Variants in ITGA9 observed in about 807,000 individuals in gnomAD.
ITGA9 encodes integrin alpha-9.
A neutral mutation model predicts 127.8 loss-of-function variants in ITGA9; 56 were observed. That is an observed-to-expected ratio of 0.44 (90% CI 0.35 to 0.55). The LOEUF is 0.55. ITGA9 is among the 20% of genes least tolerant of loss of function. The pLI is 0.00. For synonymous variants in ITGA9, 508 were observed against 514.5 expected (o/e 0.99, Z 0.17); for missense variants, 1,196 against 1,347.1 (o/e 0.89, Z 1.76).
chr3:37,498,429 G>A (rs1234955351), intron 5 of ITGA9, among the ~76,000 whole-genome samples: 1 of 152,140 alleles, frequency 6.6e-6, no homozygotes, highest in African/African-American at 2.4e-5. Context: ...TATGTTTGCC[G>A]CAGCAGCTGG....
intron 18 of ITGA9, among the ~76,000 whole-genome samples, chr3:37,725,290 C>T (rs1696170088): frequency 6.6e-6 from 1 of 152,090 alleles, no homozygotes. Flanking sequence ...CATGAGTAAC[C>T]CTCAGCCAAG....
At chr3:37,700,359 CA>C (rs1700932853) in intron 18 of ITGA9, among the ~76,000 whole-genome samples, 1 of 151,654 alleles carries the variant, frequency 6.6e-6, no homozygotes, top group Non-Finnish European at 1.5e-5. Flanking sequence ...ATATAATATG[CA>C]ATGACTTTTT....
chr3:37,809,851 C>T (rs989050943), intron 27 of ITGA9, among the ~76,000 whole-genome samples: 3 of 152,200 alleles, frequency 2.0e-5, no homozygotes, highest in South Asian at 2.1e-4. Flanking sequence ...ACTGACAGTA[C>T]GGTGCAGTAA....
chr3:37,644,411 G>A (rs187288347), intron 16 of ITGA9, among the ~76,000 whole-genome samples: 1 of 152,310 alleles, frequency 6.6e-6, no homozygotes, highest in Non-Finnish European at 1.5e-5. Flanking sequence ...AGCAGATTGT[G>A]GGATGATGGA....
intron 16 of ITGA9, among the ~76,000 whole-genome samples, chr3:37,641,703 G>A (rs1700335550): frequency 6.6e-6 from 1 of 152,076 alleles, no homozygotes; most frequent in South Asian, 2.1e-4. Context: ...TAAGGCCCAC[G>A]AGAGCCTGTA....
chr3:37,755,983 GA>G (rs572124640), intron 23 of ITGA9, among the ~76,000 whole-genome samples: 4 of 151,098 alleles, frequency 2.6e-5, no homozygotes, highest in African/African-American at 9.7e-5. Flanking sequence ...AATTTATGAA[GA>G]AAAAAATAAA....
Position 37,452,584 on chromosome 3 carries a change from C to A in ITGA9, c.185+25C>A. The A allele has an allele frequency of 6.7e-7, 1 of 1,489,360 alleles. No individual in the cohort carries two copies. Among genetic ancestry groups the A allele is most frequent in the Non-Finnish European group, 8.9e-7 (1 of 1,117,540 alleles). The allele number at this position is 1,489,360 out of a possible 1,614,324, so 92.3% of individuals were successfully genotyped here. ...GGTGAGTGCCCGCCCGACTCCGCGACCCTGGCCCGCGCGGCCACCGCCCCG... is the reference window on the plus strand; with the variant it reads ...GGTGAGTGCCCGCCCGACTCCGCGAACCTGGCCCGCGCGGCCACCGCCCCG... On this transcript the variant is annotated intron_variant, in intron 1 of 27. Transcript: ENST00000264741. The surrounding 1 kb of genome is among the most constrained non-coding windows in gnomAD (Gnocchi z 7.3).
chr3:37,509,808 T>C (rs989306058), intron 8 of ITGA9, among the ~76,000 whole-genome samples: 2 of 152,154 alleles, frequency 1.3e-5, no homozygotes, highest in African/African-American at 4.8e-5. Context: ...AAAAGGGTTT[T>C]CCAAGCACCC....
intron 18 of ITGA9, among the ~76,000 whole-genome samples, chr3:37,717,014 A>C (rs946322648): frequency 6.6e-6 from 1 of 152,232 alleles, no homozygotes; most frequent in Non-Finnish European, 1.5e-5. Flanking sequence ...TGATGTGTGC[A>C]TGATCAGAAC....
At chr3:37,560,541 T>C (rs538876875) in intron 15 of ITGA9, among the ~76,000 whole-genome samples, 4 of 152,324 alleles carry the variant, frequency 2.6e-5, no homozygotes, top group East Asian at 3.9e-4. Flanking sequence ...TCTTCCACAA[T>C]GGTTGAACGA....
At chr3:37,717,943 A>G (rs1575206753) in intron 18 of ITGA9, among the ~76,000 whole-genome samples, 2 of 152,304 alleles carry the variant, frequency 1.3e-5, no homozygotes, top group African/African-American at 4.8e-5. Context: ...GGGAATGGGG[A>G]CAGCCAATGC....
intron 17 of ITGA9, among the ~76,000 whole-genome samples, chr3:37,669,653 G>A (rs1559563052): frequency 1.3e-5 from 2 of 152,154 alleles, no homozygotes; most frequent in African/African-American, 4.8e-5. Flanking sequence ...AAAAAAAACA[G>A]TTGCTCATTG....
chr3:37,647,685 A>G (rs1700392357), intron 16 of ITGA9, among the ~76,000 whole-genome samples: 1 of 151,386 alleles, frequency 6.6e-6, no homozygotes, highest in Admixed American at 6.6e-5. Flanking sequence ...GGTTCTGTGT[A>G]TTTAACTTGT....
rs116246008 is a variant in ITGA9, at chr3:37,516,995, C to T, written c.1036-509C>T. On this transcript the variant is annotated intron_variant, in intron 9 of 27. Coordinates refer to ENST00000264741, the MANE Select transcript of ITGA9 (RefSeq NM_002207.3). ...ATCACAGCCACCCTCTGGCCAAGAA[C>T]GACTGGGTGCTTGGATTTTCTGAAC... 2.1e-3 allele frequency among the ~76,000 whole-genome samples: 313 copies of T among 152,260 alleles called. 2 individuals carry two copies. The highest frequency in any genetic ancestry group is 7.1e-3 in the African/African-American group (295 of 41,540).
chr3:37,576,847 C>T (rs755953934), intron 15 of ITGA9, among the ~76,000 whole-genome samples: 22 of 152,250 alleles, frequency 1.4e-4, no homozygotes, highest in Non-Finnish European at 2.5e-4. Context: ...GATCCACCTA[C>T]CTCGGCCTCC....
Position 37,682,520 on chromosome 3 carries a change from G to A in ITGA9, c.1917-1345G>A, listed in dbSNP as rs145375873. 2.6e-5 allele frequency among the ~76,000 whole-genome samples: 4 copies of A among 152,196 alleles called. No individual in the cohort carries two copies. The East Asian group carries it at 7.7e-4, about 29-fold the overall frequency. ...CTCCTCATCTTCAACTCCTAAATGT[G>A]AGTCCTCATTTCTATCTATACTCAT... On this transcript the variant is annotated intron_variant, in intron 17 of 27. Coordinates refer to ENST00000264741, the MANE Select transcript of ITGA9 (RefSeq NM_002207.3).
intron 3 of ITGA9, among the ~76,000 whole-genome samples, chr3:37,478,585 C>T (rs1016898282): frequency 2.0e-5 from 3 of 152,182 alleles, no homozygotes; most frequent in Non-Finnish European, 2.9e-5. Context: ...AGAGAATGCT[C>T]TCCTTCTCCT....
intron 5 of ITGA9, among the ~76,000 whole-genome samples, chr3:37,496,929 A>G (rs913454533): frequency 2.0e-5 from 3 of 152,216 alleles, no homozygotes; most frequent in Non-Finnish European, 4.4e-5. Flanking sequence ...ACATGTTGGC[A>G]AATTGCACTT....
chr3:37,572,798 G>A (rs1260018407), intron 15 of ITGA9, among the ~76,000 whole-genome samples: 1 of 152,174 alleles, frequency 6.6e-6, no homozygotes, highest in East Asian at 1.9e-4. Flanking sequence ...AAATGGCACA[G>A]TTCTAAAATT....
Sources: gnomAD v4.1 joint callset for allele counts (sites outside exome capture counted in the v4.1 genomes callset) on GRCh38, gnomAD v4.1.1 for gene constraint, Gnocchi (gnomAD v3.1) non-coding constraint, MANE v1.5 for transcripts, NCBI Gene and HGNC (gene_info 2026-07-23, HGNC 2026-07-21) for gene names.